The following SLC17A6 variants were observed in gnomAD, a reference collection of about 807,000 sequenced individuals.
The protein encoded by SLC17A6 is vesicular glutamate transporter 2.
A neutral mutation model predicts 67.1 loss-of-function variants in SLC17A6; 35 were observed. The observed-to-expected ratio is 0.52, with a 90% CI of 0.40 to 0.69. SLC17A6 has a LOEUF of 0.69. Among genes scored for constraint, SLC17A6 ranks in the 30% least tolerant of loss-of-function variants. The pLI, the probability that SLC17A6 is intolerant of heterozygous loss-of-function variation, is 0.00. For synonymous variants in SLC17A6, 285 were observed against 252.3 expected, an observed-to-expected ratio of 1.13 and a Z score of -1.23; for missense variants, 588 against 723.9, an observed-to-expected ratio of 0.81 and a Z score of 2.15.
At position 22,365,672 on chromosome 11, in the gene SLC17A6, C is replaced by A. The variant is rs188293372; in HGVS notation, c.874C>A (p.Leu292Ile). The change falls in exon 7 of 12, where the codon CTT (leucine) becomes ATT (isoleucine). Residue 292 changes from leucine to isoleucine, a missense_variant. Coordinates refer to ENST00000263160, the MANE Select transcript of SLC17A6 (RefSeq NM_020346.3). ...IEESIGESAN[L>I]LGAMEKFKTP... ...AGAAAGCATTGGAGAGAGTGCAAAT[C>A]TTTTAGGTGCAATGGAAGTAAGAAA... 5 of 1,613,390 alleles carry A rather than the reference C, an allele frequency of 3.1e-6. No individual in the cohort carries two copies. The East Asian group carries it at 1.1e-4, about 36-fold the overall frequency.
At chr11:22,343,908 A>G (rs1446708680) in intron 3 of SLC17A6, among the ~76,000 whole-genome samples, 1 of 152,080 alleles carries the variant, frequency 6.6e-6, no homozygotes, top group Admixed American at 6.5e-5. Context: ...TGAGCTGCGT[A>G]GGGGCGGGCG....
intron 7 of SLC17A6, 108 bp downstream of exon 7, chr11:22,365,797 A>G: frequency 8.4e-7 from 1 of 1,187,628 alleles, no homozygotes; most frequent in Non-Finnish European, 1.2e-6. Flanking sequence ...TTTGGTATCA[A>G]TCATAACTTC....
intron 3 of SLC17A6, among the ~76,000 whole-genome samples, chr11:22,354,941 C>T (rs1474364449): frequency 6.6e-6 from 1 of 152,178 alleles, no homozygotes; most frequent in Non-Finnish European, 1.5e-5. Flanking sequence ...AATTTATTGT[C>T]ATATGTCAAG....
In SLC17A6 at chr11:22,339,104, T is replaced by A. The variant is rs1397872650; in HGVS notation, c.86+485T>A. On this transcript the variant is annotated intron_variant, in intron 1 of 11. Coordinates refer to ENST00000263160, the MANE Select transcript of SLC17A6 (RefSeq NM_020346.3). ...TATATATATATGTTATATATATATGTTATATATATATGTTATATATATATG... is the reference window on the plus strand; with the variant it reads ...TATATATATATGTTATATATATATGATATATATATATGTTATATATATATG... 6.8e-5 allele frequency among the ~76,000 whole-genome samples: 4 copies of A among 58,578 alleles called. 1 individual carries two copies. Among genetic ancestry groups the A allele is most frequent in the Non-Finnish European group, 1.4e-4 (4 of 27,878 alleles). 38.4% of individuals were successfully genotyped at this position (58,578 alleles called of 152,430 possible). A position where few individuals can be genotyped will look rare whatever the true frequency, so the allele number is the denominator to read the frequency against.
intron 1 of SLC17A6, 56 bp from the exon 2 acceptor site, chr11:22,341,472 G>C (rs781679727): frequency 1.3e-6 from 2 of 1,587,836 alleles, no homozygotes; most frequent in South Asian, 2.3e-5. Context: ...GAATGGGTCA[G>C]CATCGGGGGT....
chr11:22,376,772 C>G, intron 11 of SLC17A6, 100 bp downstream of exon 11: 1 of 1,250,826 alleles, frequency 8.0e-7, no homozygotes, highest in South Asian at 1.3e-5. Flanking sequence ...CATTTTCTTT[C>G]TTGTCCAGTC....
intron 7 of SLC17A6, among the ~76,000 whole-genome samples, chr11:22,366,052 G>T (rs534871056): frequency 2.8e-4 from 43 of 152,088 alleles, no homozygotes; most frequent in South Asian, 6.2e-4. Context: ...GGCAATTTTT[G>T]GTTTGTTGAA....
At chr11:22,359,272 T>C (rs1181177869) in intron 3 of SLC17A6, 141 bp from the exon 4 acceptor site, 3 of 434,028 alleles carry the variant, frequency 6.9e-6, no homozygotes, top group African/African-American at 4.1e-5. Flanking sequence ...GTCCAGAACA[T>C]ATATTAGAAA....
intron 6 of SLC17A6, 150 bp from the exon 7 acceptor site, chr11:22,365,397 G>A: frequency 1.1e-6 from 1 of 892,590 alleles, no homozygotes; most frequent in Non-Finnish European, 1.8e-6. Flanking sequence ...TGGCAAAAGA[G>A]AAGAAAAGAT....
At chr11:22,345,412 A>G (rs1157062730) in intron 3 of SLC17A6, among the ~76,000 whole-genome samples, 4 of 151,926 alleles carry the variant, frequency 2.6e-5, no homozygotes, top group Admixed American at 2.6e-4. Context: ...CCTGGGTTCA[A>G]GTGATTCTCC....
intron 7 of SLC17A6, 21 bp downstream of exon 7, chr11:22,365,710 T>A (rs1387071420): frequency 1.2e-6 from 2 of 1,606,280 alleles, no homozygotes; most frequent in African/African-American, 2.7e-5. Flanking sequence ...TATTATGGTG[T>A]ATATTCCTAT....
rs558622157 is a variant in SLC17A6, at chr11:22,369,066, T to C, written c.892-973T>C. Among the ~76,000 whole-genome samples the C allele has an allele frequency of 3.1e-5, 4 of 128,964 alleles. No individual in the cohort carries two copies. In the East Asian group the frequency reaches 8.6e-4, roughly 28 times the overall value. 84.6% of individuals were successfully genotyped at this position (128,964 alleles called of 152,430 possible). A position where few individuals can be genotyped will look rare whatever the true frequency, so the allele number is the denominator to read the frequency against. On this transcript the variant is annotated intron_variant, in intron 7 of 11. Coordinates refer to ENST00000263160, the MANE Select transcript of SLC17A6 (RefSeq NM_020346.3). ...ATCCACGTGAAAGGTGTTTGCTTCC[T>C]CTTTCAGTAATTTAGTTAGGTCAAG...
Position 22,365,599 on chromosome 11 carries a change from T to G in SLC17A6, c.801T>G (p.Ser267Arg), listed in dbSNP as rs373383706. Reference sequence around the variant, plus strand: ...TTTGGCTTTTGGTGTCTTATGAAAGTCCTGCAAAGCATCCTACTATTACAG... The same window carrying G: ...TTTGGCTTTTGGTGTCTTATGAAAGGCCTGCAAAGCATCCTACTATTACAG... ...YMFWLLVSYE[S>R]PAKHPTITDE... The change falls in exon 7 of 12, where the codon AGT (serine) becomes AGG (arginine). Residue 267 changes from serine to arginine, a missense_variant. This residue lies in a region of SLC17A6 where 414 missense variants were observed against 563.4 expected (regional missense o/e 0.73). Transcript: ENST00000263160. 1.2e-6 allele frequency: 2 copies of G among 1,614,052 alleles called. No individual in the cohort carries two copies. Among genetic ancestry groups the G allele is most frequent in the Non-Finnish European group, 8.5e-7 (1 of 1,179,924 alleles).
At chr11:22,344,734 T>C (rs1006487952) in intron 3 of SLC17A6, among the ~76,000 whole-genome samples, 2 of 152,210 alleles carry the variant, frequency 1.3e-5, no homozygotes, top group African/African-American at 4.8e-5. Flanking sequence ...ATGAAACTCA[T>C]TAACTATGTA....
At chr11:22,353,469 A>T (rs1269353174) in intron 3 of SLC17A6, among the ~76,000 whole-genome samples, 1 of 151,912 alleles carries the variant, frequency 6.6e-6, no homozygotes, top group Non-Finnish European at 1.5e-5. Context: ...AGTAATGACA[A>T]CTTGCTCAAA....
chr11:22,343,829 T>A (rs559158042), intron 3 of SLC17A6, among the ~76,000 whole-genome samples: 1 of 152,228 alleles, frequency 6.6e-6, no homozygotes, highest in East Asian at 1.9e-4. Flanking sequence ...CCCCGCCCAG[T>A]TGGTGCTCTG....
chr11:22,348,807 A>G (rs1344439024), intron 3 of SLC17A6, among the ~76,000 whole-genome samples: 1 of 152,236 alleles, frequency 6.6e-6, no homozygotes, highest in Non-Finnish European at 1.5e-5. Flanking sequence ...TACTTTAGGT[A>G]AATATTCTGG....
chr11:22,369,901 A>C, intron 7 of SLC17A6, 138 bp from the exon 8 acceptor site: 1 of 719,340 alleles, frequency 1.4e-6, no homozygotes, highest in Non-Finnish European at 2.2e-6. Context: ...GGTGGTTATA[A>C]TTAATGCTTC....
At chr11:22,365,220 TAA>T (rs1266396031) in intron 6 of SLC17A6, among the ~76,000 whole-genome samples, 3 of 152,206 alleles carry the variant, frequency 2.0e-5, no homozygotes, top group African/African-American at 7.2e-5. Flanking sequence ...TTCTCTCACT[TAA>T]CCAGAGTGCC....
Sources: allele counts gnomAD v4.1 joint callset (sites outside exome capture counted in the v4.1 genomes callset), GRCh38; gene constraint gnomAD v4.1.1; regional missense constraint gnomAD v4.1.1; transcripts MANE v1.5; gene names NCBI Gene and HGNC (gene_info 2026-07-23, HGNC 2026-07-21).